The following RORA variants were observed in gnomAD, a reference collection of about 807,000 sequenced individuals.
The protein encoded by RORA is RAR related orphan receptor A, also known as nuclear receptor ROR-alpha.
RORA carries 7 observed loss-of-function variants against 69.5 expected under a neutral mutation model. That is an observed-to-expected ratio of 0.10 (90% CI 0.06 to 0.19). The LOEUF (loss-of-function observed/expected upper bound fraction) is 0.19. Among genes scored for constraint, RORA ranks in the 10% least tolerant of loss-of-function variants. The pLI, the probability that RORA is intolerant of heterozygous loss-of-function variation, is 1.00. For synonymous variants in RORA, 261 were observed against 240.8 expected (o/e 1.08, Z -0.78); for missense variants, 457 against 663.0 (o/e 0.69, Z 3.41).
rs2065024225 is a variant in RORA at position 60,490,460 on chromosome 15, A to G, written c.*6995T>C. On this transcript the variant is annotated 3_prime_UTR_variant, in exon 11 of 11. Transcript: ENST00000335670. This position sits in a 1 kb window ranked among gnomAD's most constrained non-coding sequence, Gnocchi z 4.1. ...AACATTTTCTTATCTATACAGAATGAAAGCCAAAAAGTTAACTGTATAGAG... is the reference window on the plus strand; with the variant it reads ...AACATTTTCTTATCTATACAGAATGGAAGCCAAAAAGTTAACTGTATAGAG... The G allele has an allele frequency of 6.6e-6, 1 of 152,162 alleles. No individual in the cohort carries two copies. The highest frequency in any genetic ancestry group is 1.5e-5 in the Non-Finnish European group (1 of 67,982). 9.4% of individuals were successfully genotyped at this position (152,162 alleles called of 1,614,324 possible).
chr15:60,542,514 CATGGCACACATGCACACCTCACACAG>C (rs1358824066), intron 2 of RORA, among the ~76,000 whole-genome samples: 4 of 97,194 alleles, frequency 4.1e-5, no homozygotes, highest in Non-Finnish European at 6.2e-5. Flanking sequence ...ACATCTCACA[CATGGCACACATGCACACCTCACACAG>C]ATGGCACACA....
intron 2 of RORA, among the ~76,000 whole-genome samples, chr15:60,571,966 C>T (rs1247050928): frequency 6.6e-6 from 1 of 152,148 alleles, no homozygotes; most frequent in Non-Finnish European, 1.5e-5. Flanking sequence ...TAATACCTTA[C>T]CTTAAACACA....
rs1002732088 is a variant in RORA at position 60,537,872 on chromosome 15, G to T, written c.197-6021C>A. 6.6e-6 allele frequency among the ~76,000 whole-genome samples: 1 copy of T among 152,172 alleles called. No individual in the cohort carries two copies. The highest frequency in any genetic ancestry group is 2.4e-5 in the African/African-American group (1 of 41,426). On this transcript the variant is annotated intron_variant, in intron 2 of 10. Transcript: ENST00000335670. This position sits in a 1 kb window ranked among gnomAD's most constrained non-coding sequence, Gnocchi z 4.9. ...CCAAATAGAAAGCCCTACTCCTTCA[G>T]TAAGCAGTCTCGCAGTCATTTTTGG...
intron 1 of RORA, chr15:60,681,466 T>G (rs1159338282): frequency 6.6e-6 from 1 of 152,224 alleles, no homozygotes. Context: ...GGGTGAAAGA[T>G]GTACTCAGAT....
chr15:61,159,462 T>C (rs559288429), intron 1 of RORA, among the ~76,000 whole-genome samples: 23 of 152,336 alleles, frequency 1.5e-4, no homozygotes, highest in South Asian at 2.1e-4. Context: ...CTGATGGTTA[T>C]TGCATGCTAA....
At chr15:60,799,997 G>T (rs1288150644) in intron 1 of RORA, among the ~76,000 whole-genome samples, 1 of 152,178 alleles carries the variant, frequency 6.6e-6, no homozygotes, top group African/African-American at 2.4e-5. Flanking sequence ...TGCAGCCAGG[G>T]CTGTGTTATT....
rs115633172 is a variant in RORA, at chr15:60,787,418, G to A, written c.167-108732C>T. 5.1e-3 allele frequency among the ~76,000 whole-genome samples: 779 copies of A among 152,372 alleles called. 7 individuals carry two copies. Among genetic ancestry groups the A allele is most frequent in the African/African-American group, 0.018 (746 of 41,586 alleles). On this transcript the variant is annotated intron_variant, in intron 1 of 10. Coordinates refer to ENST00000335670, the MANE Select transcript of RORA (RefSeq NM_134261.3). ...TCACAACATTTCCCCTGCAACTGCGGTCAAGGTGGAGGGATGGCCACAACC... is the reference window on the plus strand; with the variant it reads ...TCACAACATTTCCCCTGCAACTGCGATCAAGGTGGAGGGATGGCCACAACC...
In RORA at chr15:60,614,910, G is replaced by A. The variant is rs374598667; in HGVS notation, c.196+63747C>T. On this transcript the variant is annotated intron_variant, in intron 2 of 10. Transcript: ENST00000335670. ...ATAACGCACCTTTTCTCAATGCAGG[G>A]AGCAGAAAAGAGAAGAACTCCCTTA... The A allele has an allele frequency of 9.9e-6, 16 of 1,613,468 alleles. No individual in the cohort carries two copies. The African/African-American group carries it at 1.2e-4, about 12-fold the overall frequency.
Position 60,531,943 on chromosome 15 carries a change from A to G in RORA, c.197-92T>C. On this transcript the variant is annotated intron_variant, in intron 2 of 10. Transcript: ENST00000335670. The surrounding 1 kb of genome is among the most constrained non-coding windows in gnomAD (Gnocchi z 4.8). ...ATCAGCATTTGTATAGTGAAAACTAATAACCTGCTAAACATTATACTGCAT... is the reference window on the plus strand; with the variant it reads ...ATCAGCATTTGTATAGTGAAAACTAGTAACCTGCTAAACATTATACTGCAT... 1 of 700,768 alleles carries G rather than the reference A, an allele frequency of 1.4e-6. No individual in the cohort carries two copies. Among genetic ancestry groups the G allele is most frequent in the Non-Finnish European group, 2.4e-6 (1 of 412,646 alleles). 43.4% of individuals were successfully genotyped at this position (700,768 alleles called of 1,614,324 possible).
At chr15:60,817,435 T>C (rs1030528343) in intron 1 of RORA, among the ~76,000 whole-genome samples, 8 of 152,190 alleles carry the variant, frequency 5.3e-5, no homozygotes, top group African/African-American at 1.7e-4. Context: ...AAACCTTCAA[T>C]GTGTAAAAAT....
intron 1 of RORA, among the ~76,000 whole-genome samples, chr15:60,984,125 A>C (rs1478602509): frequency 6.6e-6 from 1 of 151,662 alleles, no homozygotes. Flanking sequence ...TGTGAAGAAC[A>C]ATTACAGAGT....
intron 2 of RORA, among the ~76,000 whole-genome samples, chr15:60,631,017 G>C (rs2069725609): frequency 6.6e-6 from 1 of 150,642 alleles, no homozygotes; most frequent in Non-Finnish European, 1.5e-5. Context: ...AGCCTCCCGA[G>C]TAGCTGGGAT....
chr15:60,567,205 G>C (rs2067737740), intron 2 of RORA, among the ~76,000 whole-genome samples: 1 of 146,800 alleles, frequency 6.8e-6, no homozygotes, highest in African/African-American at 2.5e-5. Flanking sequence ...AAAAAAAAAA[G>C]ACCTGGTGAT....
intron 1 of RORA, among the ~76,000 whole-genome samples, chr15:60,757,577 CAGT>C (rs1163728134): frequency 2.6e-5 from 4 of 152,196 alleles, no homozygotes; most frequent in Non-Finnish European, 4.4e-5. Flanking sequence ...AACCATGCTA[CAGT>C]GCCCAAACAA....
At chr15:60,959,585 C>T (rs553386793) in intron 1 of RORA, among the ~76,000 whole-genome samples, 1 of 152,236 alleles carries the variant, frequency 6.6e-6, no homozygotes, top group South Asian at 2.1e-4. Flanking sequence ...ATGTTTGTAT[C>T]CTTTCTTGGA....
intron 1 of RORA, among the ~76,000 whole-genome samples, chr15:61,021,356 A>T (rs902097867): frequency 8.5e-5 from 13 of 152,202 alleles, no homozygotes; most frequent in African/African-American, 3.1e-4. Context: ...ATCACTGCCT[A>T]AACTTAGAAT....
rs1566972000 is a variant in RORA at position 61,066,900 on chromosome 15, A to AC, written c.166+162152_166+162153insG. Reference sequence around the variant, plus strand: ...AGACCAAAAAAAAAAAAAAAAAAAAAAAAAAACCCAAAAAGGTGGATAGCC... The same window carrying AC: ...AGACCAAAAAAAAAAAAAAAAAAAAACAAAAAACCCAAAAAGGTGGATAGCC... On this transcript the variant is annotated intron_variant, in intron 1 of 10. Transcript: ENST00000335670. Among the ~76,000 whole-genome samples the AC allele has an allele frequency of 4.0e-5, 6 of 150,482 alleles. No individual in the cohort carries two copies. The South Asian group carries it at 1.0e-3, about 26-fold the overall frequency.
intron 1 of RORA, among the ~76,000 whole-genome samples, chr15:60,918,043 T>G (rs1239452070): frequency 6.6e-6 from 1 of 152,180 alleles, no homozygotes; most frequent in Non-Finnish European, 1.5e-5. Flanking sequence ...GTACGTAACC[T>G]CATCTAATCC....
intron 7 of RORA, 23 bp from the exon 8 acceptor site, chr15:60,502,890 T>G (rs2141273326): frequency 7.0e-7 from 1 of 1,423,512 alleles, no homozygotes; most frequent in Non-Finnish European, 9.9e-7. Flanking sequence ...AGAAATGGTT[T>G]GGGTCATTTG....
Sources: gnomAD v4.1 joint callset for allele counts (sites outside exome capture counted in the v4.1 genomes callset) on GRCh38, gnomAD v4.1.1 for gene constraint, Gnocchi (gnomAD v3.1) non-coding constraint, MANE v1.5 for transcripts, NCBI Gene and HGNC (gene_info 2026-07-23, HGNC 2026-07-21) for gene names.